SNRPN: variants seen among roughly 807,000 people sequenced by gnomAD.
SNRPN encodes small nuclear ribonucleoprotein polypeptide N, also known as small nuclear ribonucleoprotein-associated protein N.
Under a neutral mutation model 25.2 loss-of-function variants are expected in SNRPN, and 7 were observed. The ratio of observed to expected loss-of-function variants is 0.28; its 90% CI spans 0.16 to 0.52. SNRPN has a LOEUF of 0.52. SNRPN is among the 20% of genes least tolerant of loss of function. The pLI, the probability that SNRPN is intolerant of heterozygous loss-of-function variation, is 0.96. For missense variants in SNRPN, 196 were observed against 322.5 expected (o/e 0.61, Z 3.00); for synonymous variants, 124 against 110.6 (o/e 1.12, Z -0.76).
chr15:24,877,715 A>C (rs976082325), intron 1 of SNRPN, among the ~76,000 whole-genome samples: 4 of 150,322 alleles, frequency 2.7e-5, no homozygotes, highest in African/African-American at 1.0e-4. Flanking sequence ...AGCCGGGCGC[A>C]GTGGCGCGCG....
intron 4 of SNRPN, 26 bp from the exon 5 acceptor site, chr15:24,975,332 C>T: frequency 6.2e-7 from 1 of 1,601,768 alleles, no homozygotes; most frequent in Non-Finnish European, 8.5e-7. Context: ...GCAAGCTGAA[C>T]ATGACTCTTG....
chr15:24,913,255 T>C (rs1454270388), intron 2 of SNRPN, among the ~76,000 whole-genome samples: 1 of 152,152 alleles, frequency 6.6e-6, no homozygotes, highest in African/African-American at 2.4e-5. Flanking sequence ...CAGGTATTTC[T>C]AATAGCAGTA....
chr15:24,867,994 C>T (rs2054737123), intron 1 of SNRPN, among the ~76,000 whole-genome samples: 1 of 151,706 alleles, frequency 6.6e-6, no homozygotes, highest in Non-Finnish European at 1.5e-5. Context: ...GAAATAAAAA[C>T]TTTTTCATAT....
At chr15:24,903,362 A>G (rs1042966447) in intron 2 of SNRPN, among the ~76,000 whole-genome samples, 1 of 152,204 alleles carries the variant, frequency 6.6e-6, no homozygotes, top group Non-Finnish European at 1.5e-5. Context: ...GGTTAACCCA[A>G]AGTTTTGGCT....
At chr15:24,941,969 G>T (rs1010685098) in intron 3 of SNRPN, among the ~76,000 whole-genome samples, 7 of 151,954 alleles carry the variant, frequency 4.6e-5, no homozygotes, top group Non-Finnish European at 1.0e-4. Context: ...CAGTAGAGAT[G>T]GGGTTTCACC....
intron 2 of SNRPN, among the ~76,000 whole-genome samples, chr15:24,846,819 G>A (rs1449569062): frequency 6.6e-6 from 1 of 152,110 alleles, no homozygotes; most frequent in East Asian, 1.9e-4. Flanking sequence ...AGTTTTCTAA[G>A]GTTCTATTCA....
At chr15:24,943,470 G>A (rs1357347101) in intron 3 of SNRPN, among the ~76,000 whole-genome samples, 1 of 151,924 alleles carries the variant, frequency 6.6e-6, no homozygotes, top group Non-Finnish European at 1.5e-5. Context: ...TGGGGGCCGT[G>A]GACATTTGAG....
At chr15:24,906,348 G>T (rs771351895) in intron 2 of SNRPN, among the ~76,000 whole-genome samples, 2 of 152,226 alleles carry the variant, frequency 1.3e-5, no homozygotes, top group African/African-American at 2.4e-5. Flanking sequence ...GCCCAGGCTG[G>T]TCTTGAGCTC....
At chr15:24,962,394 A>C (rs2074973876) in intron 2 of SNRPN, among the ~76,000 whole-genome samples, 185 bp downstream of exon 2, 1 of 152,240 alleles carries the variant, frequency 6.6e-6, no homozygotes, top group Non-Finnish European at 1.5e-5. Context: ...TCACCCTCTT[A>C]AAGATTTTAG....
chr15:24,965,864 T>G (rs189907464), intron 2 of SNRPN, among the ~76,000 whole-genome samples: 6 of 146,996 alleles, frequency 4.1e-5, no homozygotes, highest in Middle Eastern at 3.4e-3. Context: ...AAGATAACAT[T>G]ATATATATTT....
chr15:24,975,543 CAG>C (rs775194371), intron 5 of SNRPN, 34 bp downstream of exon 5: 12 of 1,592,808 alleles, frequency 7.5e-6, no homozygotes, highest in South Asian at 1.1e-5. Flanking sequence ...GGGTTGGACA[CAG>C]AGGCAGTGGG....
intron 2 of SNRPN, among the ~76,000 whole-genome samples, chr15:24,919,081 G>A (rs61999143): frequency 0.15 from 15,574 of 105,380 alleles, 2,062 homozygotes; most frequent in South Asian, 0.2. Flanking sequence ...TAATATATAT[G>A]TGCGCATATA....
chr15:24,960,593 G>A (rs777312061), intron 1 of SNRPN, among the ~76,000 whole-genome samples: 4 of 152,064 alleles, frequency 2.6e-5, no homozygotes, highest in South Asian at 2.1e-4. Context: ...GAACCATTGC[G>A]CCCTGCCTCA....
intron 3 of SNRPN, among the ~76,000 whole-genome samples, chr15:24,934,522 T>C (rs1024616020): frequency 3.9e-5 from 6 of 152,144 alleles, no homozygotes; most frequent in African/African-American, 1.4e-4. Flanking sequence ...CTGGCTCTCC[T>C]CTCTACAGAA....
At chr15:24,877,055 A>G (rs1240148487) in intron 1 of SNRPN, among the ~76,000 whole-genome samples, 4 of 152,208 alleles carry the variant, frequency 2.6e-5, no homozygotes, top group African/African-American at 9.7e-5. Context: ...TTTGGGTCTC[A>G]TACATTTGAA....
chr15:24,971,115 G>A (rs1199985176), intron 3 of SNRPN, among the ~76,000 whole-genome samples: 1 of 152,116 alleles, frequency 6.6e-6, no homozygotes, highest in African/African-American at 2.4e-5. Flanking sequence ...TTGAATTAAA[G>A]TAGATTTACA....
Position 24,975,095 on chromosome 15 carries a change from G to C in SNRPN, c.4-263G>C. 4.7e-6 allele frequency: 3 copies of C among 644,384 alleles called. No homozygotes were observed. In the South Asian group the frequency reaches 5.3e-5, roughly 11 times the overall value. 39.9% of individuals were successfully genotyped at this position (644,384 alleles called of 1,614,324 possible). A position where few individuals can be genotyped will look rare whatever the true frequency, so the allele number is the denominator to read the frequency against. On this transcript the variant is annotated intron_variant, in intron 4 of 9. Coordinates refer to ENST00000390687, the MANE Select transcript of SNRPN (RefSeq NM_003097.6). ...TTTACTTAGGGGAGTGGACAGTTTA[G>C]AGCATGCATCGTCACAGAGAAGGAT...
At chr15:24,870,974 A>G (rs1340528692) in intron 1 of SNRPN, among the ~76,000 whole-genome samples, 1 of 151,504 alleles carries the variant, frequency 6.6e-6, no homozygotes, top group African/African-American at 2.4e-5. Context: ...TCCGCCTCCC[A>G]GGTTCCAGCA....
intron 1 of SNRPN, among the ~76,000 whole-genome samples, chr15:24,956,266 C>T (rs1315146441): frequency 6.7e-6 from 1 of 149,658 alleles, no homozygotes; most frequent in East Asian, 2.1e-4. Flanking sequence ...TCGAAATAAC[C>T]TGGGGGTCTG....
Sources: allele counts gnomAD v4.1 joint callset (sites outside exome capture counted in the v4.1 genomes callset), GRCh38; gene constraint gnomAD v4.1.1; transcripts MANE v1.5; gene names NCBI Gene and HGNC (gene_info 2026-07-23, HGNC 2026-07-21).